PARD3: variants seen among roughly 807,000 people sequenced by gnomAD.
PARD3 encodes the protein par-3 family cell polarity regulator.
In PARD3, 75 loss-of-function variants were observed where a neutral mutation model predicts 155.4. The observed-to-expected ratio is 0.48, with a 90% confidence interval of 0.40 to 0.58. PARD3 has a LOEUF of 0.58. Among genes scored for constraint, PARD3 ranks in the 20% least tolerant of loss-of-function variants. The probability of loss-of-function intolerance (pLI) is 0.00; values close to 1 mark genes in which losing one functional copy is unlikely to be tolerated. For synonymous variants in PARD3, 576 were observed against 610.5 expected (o/e 0.94, Z 0.83); for missense variants, 1,642 against 1,721.7 (o/e 0.95, Z 0.82).
intron 24 of PARD3, among the ~76,000 whole-genome samples, chr10:34,117,315 C>A (rs1208942706): frequency 6.6e-6 from 1 of 152,230 alleles, no homozygotes; most frequent in Non-Finnish European, 1.5e-5. Flanking sequence ...ACCATCCACA[C>A]AAGCTATGAA....
At chr10:34,696,617 A>G (rs1444529688) in intron 1 of PARD3, among the ~76,000 whole-genome samples, 198 bp from the exon 2 acceptor site, 1 of 151,582 alleles carries the variant, frequency 6.6e-6, no homozygotes, top group Non-Finnish European at 1.5e-5. Flanking sequence ...AGTGACTCAT[A>G]CACACTCTTC....
intron 14 of PARD3, among the ~76,000 whole-genome samples, chr10:34,352,262 C>T (rs1027177869): frequency 1.3e-5 from 2 of 152,222 alleles, no homozygotes. Flanking sequence ...CATTTACTTC[C>T]ATTCCACTCC....
intron 5 of PARD3, among the ~76,000 whole-genome samples, chr10:34,416,778 T>G (rs1468930241): frequency 6.6e-6 from 1 of 152,226 alleles, no homozygotes; most frequent in Admixed American, 6.5e-5. Flanking sequence ...ATGAATTTTG[T>G]GACTTTAAAT....
intron 22 of PARD3, among the ~76,000 whole-genome samples, chr10:34,183,572 C>A (rs1432566496): frequency 6.6e-6 from 1 of 152,100 alleles, no homozygotes; most frequent in Non-Finnish European, 1.5e-5. Flanking sequence ...ACCAGGTGTA[C>A]CAAGTGTCAT....
chr10:34,157,184 C>T (rs1482110634), intron 22 of PARD3, among the ~76,000 whole-genome samples: 1 of 152,200 alleles, frequency 6.6e-6, no homozygotes, highest in Non-Finnish European at 1.5e-5. Context: ...GATGCGGGGG[C>T]AGAAGATCCT....
At chr10:34,453,515 G>C (rs2077171189) in intron 4 of PARD3, among the ~76,000 whole-genome samples, 1 of 151,982 alleles carries the variant, frequency 6.6e-6, no homozygotes, top group South Asian at 2.1e-4. Flanking sequence ...TATTTCACAT[G>C]GTTTCAAAAT....
chr10:34,348,130 G>A lies in PARD3; in HGVS notation c.2068-15C>T. The A allele has an allele frequency of 6.3e-7, 1 of 1,583,492 alleles. No homozygotes were observed. The highest frequency in any genetic ancestry group is 2.3e-5 in the East Asian group (1 of 43,842). ...GGTGACTTCAGCTACAGAGTAACGG[G>A]TATGGGGGCAAAGAAAAATCAGTAC... is the stretch of plus-strand genomic sequence containing the variant. On this transcript the variant is annotated splice_polypyrimidine_tract_variant and intron_variant, in intron 14 of 24. Coordinates refer to ENST00000374788, the MANE Select transcript of PARD3 (RefSeq NM_001184785.2).
rs117236092 is a variant in PARD3 at position 34,411,329 on chromosome 10, T to C, written c.715-9412A>G. Among the ~76,000 whole-genome samples the C allele has an allele frequency of 8.3e-3, 1,269 of 152,286 alleles. 5 individuals are homozygous for C. The highest frequency in any genetic ancestry group is 0.011 in the Non-Finnish European group (756 of 68,010). On this transcript the variant is annotated intron_variant, in intron 5 of 24. Coordinates refer to ENST00000374788, the MANE Select transcript of PARD3 (RefSeq NM_001184785.2). ...GTCAACTTGACGGGGTCCCATGACA[T>C]CCAGACATTTGGCCCAACATTATTC...
chr10:34,217,117 GGAAGACACA>G (rs1952037973), intron 22 of PARD3, among the ~76,000 whole-genome samples: 1 of 151,966 alleles, frequency 6.6e-6, no homozygotes, highest in Non-Finnish European at 1.5e-5. Context: ...GGGTTGGTAT[GGAAGACACA>G]GTGTGAAATC....
chr10:34,782,314 C>A (rs935560267), intron 1 of PARD3, among the ~76,000 whole-genome samples: 3 of 152,158 alleles, frequency 2.0e-5, no homozygotes, highest in Admixed American at 2.0e-4. Context: ...CCAGCCTCCT[C>A]CACTGGGCGC....
intron 22 of PARD3, among the ~76,000 whole-genome samples, chr10:34,257,153 C>T (rs888371195): frequency 6.6e-6 from 1 of 152,148 alleles, no homozygotes; most frequent in Non-Finnish European, 1.5e-5. Flanking sequence ...AGGAAAAGCT[C>T]TAGAACATCT....
At chr10:34,538,436 A>G (rs2083368575) in intron 2 of PARD3, among the ~76,000 whole-genome samples, 3 of 152,228 alleles carry the variant, frequency 2.0e-5, no homozygotes, top group African/African-American at 7.2e-5. Flanking sequence ...GATGTGGGTA[A>G]TGACTGACTA....
At chr10:34,373,620 G>C (rs1840922126) in intron 11 of PARD3, among the ~76,000 whole-genome samples, 1 of 151,660 alleles carries the variant, frequency 6.6e-6, no homozygotes, top group Non-Finnish European at 1.5e-5. Flanking sequence ...GATAACAGTG[G>C]GGGGAAAACG....
At chr10:34,554,759 GA>G (rs1039099732) in intron 2 of PARD3, among the ~76,000 whole-genome samples, 7 of 151,568 alleles carry the variant, frequency 4.6e-5, no homozygotes, top group Admixed American at 1.3e-4. Context: ...TTTAAAATTG[GA>G]AAAAAAATTA....
chr10:34,535,224 T>C (rs1427365203), intron 2 of PARD3, among the ~76,000 whole-genome samples: 7 of 152,086 alleles, frequency 4.6e-5, no homozygotes, highest in African/African-American at 7.2e-5. Context: ...AGGAAGAGAT[T>C]AGGAGAATGG....
intron 19 of PARD3, among the ~76,000 whole-genome samples, chr10:34,318,583 C>T (rs1185260729): frequency 1.3e-5 from 2 of 152,092 alleles, no homozygotes; most frequent in Non-Finnish European, 2.9e-5. Flanking sequence ...ACACAATTAT[C>T]GTGGGTATAA....
intron 12 of PARD3, among the ~76,000 whole-genome samples, chr10:34,371,305 C>G (rs1391140746): frequency 6.6e-6 from 1 of 151,204 alleles, no homozygotes; most frequent in East Asian, 1.9e-4. Flanking sequence ...AAAATTAAAG[C>G]TAGGAATTGT....
rs780686728 is a variant in PARD3, at chr10:34,459,791, T to A, written c.583-9343A>T. ...CAATTTGAAAATGAAGAGATTTAAA[T>A]CACATATAACTAGTCTGACAATGTA... is the stretch of plus-strand genomic sequence containing the variant. On this transcript the variant is annotated intron_variant, in intron 4 of 24. Transcript: ENST00000374788. 2.2e-4 allele frequency among the ~76,000 whole-genome samples: 34 copies of A among 152,294 alleles called. No homozygotes were observed. In the Middle Eastern group the frequency reaches 0.01, roughly 46 times the overall value.
At chr10:34,253,690 G>C (rs553315736) in intron 22 of PARD3, among the ~76,000 whole-genome samples, 4 of 60,772 alleles carry the variant, frequency 6.6e-5, no homozygotes, top group Non-Finnish European at 1.8e-4. Flanking sequence ...AGAATCAGAC[G>C]ACCACTCAGA....
Sources: allele counts gnomAD v4.1 joint callset (sites outside exome capture counted in the v4.1 genomes callset), GRCh38; gene constraint gnomAD v4.1.1; transcripts MANE v1.5; gene names NCBI Gene and HGNC (gene_info 2026-07-23, HGNC 2026-07-21).